The following DIP2A variants were observed in gnomAD, a reference collection of about 807,000 sequenced individuals.
The protein encoded by DIP2A is disco-interacting protein 2 homolog A.
Under a neutral mutation model 177.4 loss-of-function variants are expected in DIP2A, and 85 were observed. The observed-to-expected ratio is 0.48, with a 90% CI of 0.40 to 0.57. The LOEUF (loss-of-function observed/expected upper bound fraction) is 0.57, where lower values mean the gene tolerates loss of function less well. Among genes scored for constraint, DIP2A ranks in the 20% least tolerant of loss-of-function variants. The probability of loss-of-function intolerance (pLI) is 0.00; values close to 1 mark genes in which losing one functional copy is unlikely to be tolerated. For synonymous variants in DIP2A, 886 were observed against 881.8 expected, an observed-to-expected ratio of 1.00 and a Z score of -0.08; for missense variants, 1,791 against 2,100.2, an observed-to-expected ratio of 0.85 and a Z score of 2.88.
chr21:46,575,595 G>GCA, the DIP2A span, among the ~76,000 whole-genome samples: 1,102 of 152,198 alleles, frequency 7.2e-3, 13 homozygotes, highest in African/African-American at 0.025. Context: ...AAAAATAGTT[G>GCA]CATTTTCATA....
intron 1 of DIP2A, among the ~76,000 whole-genome samples, chr21:46,479,570 A>G (rs1449991260): frequency 6.6e-6 from 1 of 152,134 alleles, no homozygotes; most frequent in African/African-American, 2.4e-5. Flanking sequence ...CTGCTATTCA[A>G]GCTGGAGTGC....
Position 46,563,869 on chromosome 21 carries a change from C to T in DIP2A, c.4101C>T (p.Gly1367=), listed in dbSNP as rs368827348. 65 of 1,613,660 alleles carry T rather than the reference C, an allele frequency of 4.0e-5. No homozygotes were observed. The East Asian group carries it at 7.1e-4, about 18-fold the overall frequency. Residue 1367 remains glycine, a synonymous_variant, in exon 35 of 38, where the codon GGC becomes GGT. Coordinates refer to ENST00000417564, the MANE Select transcript of DIP2A (RefSeq NM_015151.4). The surrounding 1 kb of genome is among the most constrained non-coding windows in gnomAD (Gnocchi z 4.3). Reference sequence around the variant, plus strand: ...TCTCCTCCTTCCAGATCCTCCCCGGCGTGAAGGTCATCATCGCACACACCG... The same window carrying T: ...TCTCCTCCTTCCAGATCCTCCCCGGTGTGAAGGTCATCATCGCACACACCG... The part of the protein sequence containing the change: ...PLMESGKILP[G]VKVIIAHTET...
intron 1 of DIP2A, among the ~76,000 whole-genome samples, chr21:46,464,999 AG>A (rs1173425800): frequency 6.6e-6 from 1 of 152,052 alleles, no homozygotes; most frequent in Non-Finnish European, 1.5e-5. Flanking sequence ...TTGTTGTTTC[AG>A]GAAAGCAGAA....
intron 1 of DIP2A, among the ~76,000 whole-genome samples, chr21:46,477,574 T>TGTGTGTGTGTGTA (rs1292980032): frequency 1.1e-5 from 1 of 93,724 alleles, no homozygotes; most frequent in African/African-American, 3.4e-5. Context: ...TGTGTATTTC[T>TGTGTGTGTGTGTA]TTTTTTTTTT....
downstream of DIP2A, among the ~76,000 whole-genome samples, chr21:46,573,732 A>G (rs2060980096): frequency 6.6e-6 from 1 of 150,894 alleles, no homozygotes; most frequent in African/African-American, 2.4e-5. Context: ...TAGCTATAAT[A>G]ATATAGTTTA....
At chr21:46,484,911 A>C (rs1411022941) in intron 2 of DIP2A, 83 bp downstream of exon 2, 3 of 1,362,200 alleles carry the variant, frequency 2.2e-6, no homozygotes, top group African/African-American at 1.5e-5. Context: ...AGAGTTTAAC[A>C]TTTGTTAGCA....
chr21:46,496,202 A>G (rs1177412124), intron 3 of DIP2A, among the ~76,000 whole-genome samples: 2 of 151,920 alleles, frequency 1.3e-5, no homozygotes, highest in Non-Finnish European at 2.9e-5. Context: ...TGTCCAGCCT[A>G]CCTCTTTCAT....
intron 22 of DIP2A, 60 bp downstream of exon 22, chr21:46,549,945 A>G: frequency 6.3e-7 from 1 of 1,595,028 alleles, no homozygotes; most frequent in Non-Finnish European, 8.5e-7. Context: ...CCCCCACTCC[A>G]CTCCAAGTGC....
chr21:46,464,249 C>T (rs916837811), intron 1 of DIP2A, among the ~76,000 whole-genome samples: 3 of 151,552 alleles, frequency 2.0e-5, no homozygotes, highest in East Asian at 2.0e-4. Flanking sequence ...AAAAATTAGC[C>T]GGGCGTGGTG....
At chr21:46,489,287 G>A (rs2056873239) in intron 2 of DIP2A, among the ~76,000 whole-genome samples, 1 of 152,224 alleles carries the variant, frequency 6.6e-6, no homozygotes, top group African/African-American at 2.4e-5. Flanking sequence ...TCATAAATGT[G>A]CAGTGTAGGC....
chr21:46,571,964 C>A (rs1403721358), downstream of DIP2A, among the ~76,000 whole-genome samples: 1 of 152,158 alleles, frequency 6.6e-6, no homozygotes, highest in Non-Finnish European at 1.5e-5. Context: ...GAAAGAGCAT[C>A]CTTGTCTTGT....
chr21:46,555,017 C>T (rs2060413341), intron 28 of DIP2A, 84 bp downstream of exon 28: 2 of 1,388,508 alleles, frequency 1.4e-6, no homozygotes, highest in Non-Finnish European at 2.0e-6. Context: ...CGTCCAAAAA[C>T]ACACGTGAGG....
chr21:46,570,645 G>C (rs2060952835), downstream of DIP2A, among the ~76,000 whole-genome samples: 1 of 152,188 alleles, frequency 6.6e-6, no homozygotes, highest in Admixed American at 6.5e-5. Flanking sequence ...GAATATAGCT[G>C]ATTTATTTCA....
chr21:46,523,592 T>C (rs912780021), intron 8 of DIP2A, among the ~76,000 whole-genome samples: 1 of 152,102 alleles, frequency 6.6e-6, no homozygotes, highest in Non-Finnish European at 1.5e-5. Flanking sequence ...ATTACCCAAC[T>C]TCAGCCAGGC....
At chr21:46,485,178 G>A (rs1430870539) in intron 2 of DIP2A, among the ~76,000 whole-genome samples, 9 of 152,070 alleles carry the variant, frequency 5.9e-5, no homozygotes, top group South Asian at 4.2e-4. Flanking sequence ...TAAAGATGTC[G>A]GTTCTTCCCA....
At chr21:46,495,230 TTCTCTTCTCTTCTTTCTC>T (rs1568967314) in intron 3 of DIP2A, among the ~76,000 whole-genome samples, 14 of 64,952 alleles carry the variant, frequency 2.2e-4, no homozygotes, top group African/African-American at 9.8e-4. Context: ...TTCTCTTCTC[TTCTCTTCTCTTCTTTCTC>T]TCTCTCTCTC....
chr21:46,561,692 A>C, intron 33 of DIP2A, 56 bp from the exon 34 acceptor site: 2 of 1,604,342 alleles, frequency 1.2e-6, no homozygotes, highest in South Asian at 1.1e-5. Context: ...CTGCCCTTTC[A>C]GACATTACTA....
At chr21:46,509,919 C>T (rs951929415) in intron 7 of DIP2A, among the ~76,000 whole-genome samples, 3 of 152,312 alleles carry the variant, frequency 2.0e-5, no homozygotes, top group Non-Finnish European at 2.9e-5. Context: ...AGTGACACTG[C>T]TGACAGCCGA....
chr21:46,566,977 T>TA (rs796522048), intron 37 of DIP2A, among the ~76,000 whole-genome samples: 40 of 152,384 alleles, frequency 2.6e-4, no homozygotes, highest in African/African-American at 9.1e-4. Context: ...CTTGTTTTTT[T>TA]ATCTGTTTCC....
Sources: allele counts gnomAD v4.1 joint callset (sites outside exome capture counted in the v4.1 genomes callset), GRCh38; gene constraint gnomAD v4.1.1; non-coding constraint Gnocchi (gnomAD v3.1); transcripts MANE v1.5; gene names NCBI Gene and HGNC (gene_info 2026-07-23, HGNC 2026-07-21).